PTPRR: variants seen among roughly 807,000 people sequenced by gnomAD.
The protein encoded by PTPRR is protein tyrosine phosphatase receptor type R.
A neutral mutation model predicts 77.2 loss-of-function variants in PTPRR; 38 were observed. The ratio of observed to expected loss-of-function variants is 0.49; its 90% CI spans 0.38 to 0.65. PTPRR has a LOEUF of 0.65. Ranked by LOEUF, PTPRR falls within the 30% of genes least tolerant of loss-of-function variation. The pLI is 0.00. For missense variants in PTPRR, 744 were observed against 799.2 expected (o/e 0.93, Z 0.83); for synonymous variants, 299 against 283.1 (o/e 1.06, Z -0.57).
At chr12:70,876,627 A>T (rs150912578) in intron 2 of PTPRR, among the ~76,000 whole-genome samples, 204 of 152,308 alleles carry the variant, frequency 1.3e-3, no homozygotes, top group Non-Finnish European at 2.5e-3. Flanking sequence ...ACATCCCTAC[A>T]TGAGTGTAAG....
intron 2 of PTPRR, among the ~76,000 whole-genome samples, chr12:70,807,275 T>G (rs909419558): frequency 1.3e-5 from 2 of 152,210 alleles, no homozygotes; most frequent in African/African-American, 4.8e-5. Flanking sequence ...TTCTTATATG[T>G]GAGAAGTTAA....
At chr12:70,876,743 A>T (rs1426874464) in intron 2 of PTPRR, among the ~76,000 whole-genome samples, 3 of 152,142 alleles carry the variant, frequency 2.0e-5, no homozygotes, top group Non-Finnish European at 2.9e-5. Flanking sequence ...CATCTTTTTT[A>T]AAAAATAGTC....
chr12:70,851,548 A>G (rs1892571703), intron 2 of PTPRR, among the ~76,000 whole-genome samples: 2 of 152,168 alleles, frequency 1.3e-5, no homozygotes, highest in African/African-American at 4.8e-5. Flanking sequence ...TGTTTCTGCA[A>G]TCTGAAAACA....
chr12:70,759,679 TAAAAAAAAAAAA>T (rs34011060), intron 4 of PTPRR, among the ~76,000 whole-genome samples: 2 of 34,430 alleles, frequency 5.8e-5, no homozygotes, highest in African/African-American at 9.1e-5. Context: ...GACTCCGTCT[TAAAAAAAAAAAA>T]AAAAAAAAAA....
At chr12:70,834,361 C>A (rs1892266052) in intron 2 of PTPRR, among the ~76,000 whole-genome samples, 1 of 152,142 alleles carries the variant, frequency 6.6e-6, no homozygotes, top group Non-Finnish European at 1.5e-5. Context: ...CACTGCACAT[C>A]CCCACATTTC....
chr12:70,903,179 T>C (rs1356762709), intron 1 of PTPRR, among the ~76,000 whole-genome samples: 1 of 151,732 alleles, frequency 6.6e-6, no homozygotes, highest in Admixed American at 6.6e-5. Flanking sequence ...AATTTTGAGA[T>C]CTATTGCACA....
chr12:70,822,717 G>A (rs574282160), intron 2 of PTPRR, among the ~76,000 whole-genome samples: 2 of 152,064 alleles, frequency 1.3e-5, no homozygotes, highest in African/African-American at 4.8e-5. Flanking sequence ...ATCAAGGCAG[G>A]GTTGCCAATA....
chr12:70,849,216 A>G (rs929815147), intron 2 of PTPRR, among the ~76,000 whole-genome samples: 1 of 152,120 alleles, frequency 6.6e-6, no homozygotes, highest in Non-Finnish European at 1.5e-5. Context: ...GAACCATGGA[A>G]GTAGATATAA....
intron 2 of PTPRR, among the ~76,000 whole-genome samples, chr12:70,850,605 G>C (rs557804691): frequency 1.3e-5 from 2 of 152,152 alleles, no homozygotes; most frequent in African/African-American, 4.8e-5. Flanking sequence ...ACAATATATT[G>C]TAGGCACTTA....
intron 8 of PTPRR, among the ~76,000 whole-genome samples, chr12:70,692,644 T>C (rs1430290880): frequency 6.6e-6 from 1 of 152,138 alleles, no homozygotes; most frequent in Non-Finnish European, 1.5e-5. Context: ...ATGTTCTATG[T>C]TTTTGCAGAT....
chr12:70,672,594 T>C, intron 10 of PTPRR: 1 of 1,450,878 alleles, frequency 6.9e-7, no homozygotes, highest in Non-Finnish European at 9.5e-7. Flanking sequence ...CCAAGGACAG[T>C]GTAGCAGATG....
At chr12:70,647,011 A>T (rs529006138) in intron 13 of PTPRR, among the ~76,000 whole-genome samples, 6 of 152,250 alleles carry the variant, frequency 3.9e-5, no homozygotes, top group African/African-American at 1.4e-4. Flanking sequence ...CAATGATATG[A>T]TGCACATTGG....
intron 2 of PTPRR, among the ~76,000 whole-genome samples, chr12:70,826,720 A>C (rs1513093): frequency 0.039 from 5,941 of 152,272 alleles, 381 homozygotes; most frequent in African/African-American, 0.13. Flanking sequence ...CTGGCTGCAA[A>C]ACATGTATGG....
intron 2 of PTPRR, among the ~76,000 whole-genome samples, chr12:70,872,709 A>AAAAAAAAACAC (rs1555181870): frequency 1.3e-5 from 2 of 148,984 alleles, no homozygotes; most frequent in South Asian, 4.2e-4. Flanking sequence ...AAAAAAAAAA[A>AAAAAAAAACAC]AAAAAAAAAA....
At chr12:70,689,856 T>A (rs1283882524) in intron 8 of PTPRR, among the ~76,000 whole-genome samples, 1 of 152,212 alleles carries the variant, frequency 6.6e-6, no homozygotes, top group Non-Finnish European at 1.5e-5. Context: ...GTAGTCACCA[T>A]CCCTGTCTTT....
At chr12:70,895,827 C>A (rs1221934701) in intron 1 of PTPRR, among the ~76,000 whole-genome samples, 1 of 151,684 alleles carries the variant, frequency 6.6e-6, no homozygotes. Context: ...TTCACTTCAG[C>A]TTTATGAATA....
At chr12:70,877,479 G>A (rs1275047742) in intron 2 of PTPRR, among the ~76,000 whole-genome samples, 4 of 152,164 alleles carry the variant, frequency 2.6e-5, no homozygotes, top group Middle Eastern at 3.4e-3. Context: ...TCCAGGTCAG[G>A]TATTACAATT....
chr12:70,660,594 C>T (rs1886762179), intron 12 of PTPRR, among the ~76,000 whole-genome samples: 1 of 152,170 alleles, frequency 6.6e-6, no homozygotes, highest in Admixed American at 6.5e-5. Context: ...TCAAAAAGTG[C>T]ATCTTTATTC....
chr12:70,711,040 C>T (rs1188866618), intron 6 of PTPRR, among the ~76,000 whole-genome samples: 5 of 151,816 alleles, frequency 3.3e-5, no homozygotes, highest in African/African-American at 9.7e-5. Context: ...CCAGCAATCC[C>T]ATATACCCAA....
Sources: allele counts gnomAD v4.1 joint callset (sites outside exome capture counted in the v4.1 genomes callset), GRCh38; gene constraint gnomAD v4.1.1; transcripts MANE v1.5; gene names NCBI Gene and HGNC (gene_info 2026-07-23, HGNC 2026-07-21).